The following ASCC3 variants were observed in gnomAD, a reference collection of about 807,000 sequenced individuals.
The protein encoded by ASCC3 is ASC-1 complex subunit P200.
A neutral mutation model predicts 256.3 loss-of-function variants in ASCC3; 158 were observed. The ratio of observed to expected loss-of-function variants is 0.62; its 90% CI spans 0.54 to 0.70. The LOEUF is 0.70. Among genes scored for constraint, ASCC3 ranks in the 30% least tolerant of loss-of-function variants. ASCC3 has a pLI of 0.00. For missense variants in ASCC3, 2,259 were observed against 2,626.0 expected (o/e 0.86, Z 3.05); for synonymous variants, 948 against 883.4 (o/e 1.07, Z -1.30).
intron 4 of ASCC3, among the ~76,000 whole-genome samples, chr6:100,809,872 T>C (rs1027931680): frequency 1.3e-5 from 2 of 152,106 alleles, no homozygotes; most frequent in Admixed American, 6.6e-5. Flanking sequence ...AAGTGATCCT[T>C]GGCCCAGACA....
At chr6:100,761,140 A>G (rs945039912) in intron 10 of ASCC3, among the ~76,000 whole-genome samples, 1 of 152,198 alleles carries the variant, frequency 6.6e-6, no homozygotes, top group Non-Finnish European at 1.5e-5. Flanking sequence ...GAATGGAGTG[A>G]ATTTCTCTTC....
chr6:100,771,352 T>C (rs912456530), intron 8 of ASCC3, among the ~76,000 whole-genome samples: 3 of 152,154 alleles, frequency 2.0e-5, no homozygotes, highest in Non-Finnish European at 4.4e-5. Flanking sequence ...AGAAATTCTT[T>C]GTGAATGTGA....
chr6:100,836,831 T>C (rs954594748), intron 4 of ASCC3, among the ~76,000 whole-genome samples: 2 of 152,134 alleles, frequency 1.3e-5, no homozygotes, highest in African/African-American at 4.8e-5. Flanking sequence ...AAGGCCTTTA[T>C]TGGCAGAATT....
chr6:100,650,653 G>C lies in ASCC3; in HGVS notation c.3137C>G (p.Thr1046Ser). 10 of 1,612,542 alleles carry C rather than the reference G, an allele frequency of 6.2e-6. No individual in the cohort carries two copies. The highest frequency in any genetic ancestry group is 8.5e-6 in the Non-Finnish European group (10 of 1,178,934). ...TLLSNFCELSTPGGVENSYGK... is the reference protein window; with the variant it reads ...TLLSNFCELSSPGGVENSYGK... Reference sequence around the variant, plus strand: ...ATAACTATTCTCTACACCTCCAGGAGTGGAGAGTTCACAAAAATTGCTTAA... The same window carrying C: ...ATAACTATTCTCTACACCTCCAGGACTGGAGAGTTCACAAAAATTGCTTAA... The change falls in exon 20 of 42, where the codon ACT (threonine) becomes AGT (serine). Residue 1046 changes from threonine to serine, a missense_variant. Coordinates refer to ENST00000369162, the MANE Select transcript of ASCC3 (RefSeq NM_006828.4).
chr6:100,851,815 C>A (rs550499733), intron 3 of ASCC3, among the ~76,000 whole-genome samples: 1 of 152,182 alleles, frequency 6.6e-6, no homozygotes, highest in African/African-American at 2.4e-5. Flanking sequence ...GATGACTACA[C>A]AACAGAAATA....
intron 1 of ASCC3, among the ~76,000 whole-genome samples, chr6:100,877,992 A>G (rs1433105146): frequency 6.6e-6 from 1 of 152,200 alleles, no homozygotes; most frequent in African/African-American, 2.4e-5. Flanking sequence ...GATGAAAAAC[A>G]TGGCTGTGTA....
chr6:100,530,057 T>C (rs1024183377), intron 37 of ASCC3, among the ~76,000 whole-genome samples: 11 of 152,172 alleles, frequency 7.2e-5, no homozygotes, highest in African/African-American at 2.2e-4. Flanking sequence ...TCTGGTATAA[T>C]TTGGTATTTA....
intron 33 of ASCC3, among the ~76,000 whole-genome samples, chr6:100,604,615 T>C (rs1339484873): frequency 1.3e-5 from 2 of 151,904 alleles, no homozygotes; most frequent in African/African-American, 4.8e-5. Context: ...CTTTTTTTTT[T>C]TTTACTTTTT....
intron 4 of ASCC3, among the ~76,000 whole-genome samples, chr6:100,823,489 G>C (rs528669674): frequency 6.6e-6 from 1 of 152,146 alleles, no homozygotes; most frequent in Non-Finnish European, 1.5e-5. Context: ...ATAAACTAAA[G>C]ATATGAGATT....
chr6:100,611,789 C>G (rs1440809427), intron 30 of ASCC3, among the ~76,000 whole-genome samples: 1 of 151,292 alleles, frequency 6.6e-6, no homozygotes, highest in East Asian at 1.9e-4. Context: ...GGAGAGGAGA[C>G]AAGTTTATTT....
At chr6:100,698,725 C>A (rs1209701546) in intron 13 of ASCC3, among the ~76,000 whole-genome samples, 1 of 152,060 alleles carries the variant, frequency 6.6e-6, no homozygotes, top group Non-Finnish European at 1.5e-5. Context: ...TCTTTACAGA[C>A]CACAGAGGGA....
chr6:100,607,959 C>A (rs1231970422), intron 30 of ASCC3, among the ~76,000 whole-genome samples: 1 of 142,938 alleles, frequency 7.0e-6, no homozygotes, highest in Non-Finnish European at 1.5e-5. Flanking sequence ...TTCTAATTGG[C>A]TTGTGATCTT....
At chr6:100,803,532 A>T (rs1770025628) in intron 5 of ASCC3, among the ~76,000 whole-genome samples, 1 of 152,112 alleles carries the variant, frequency 6.6e-6, no homozygotes, top group Admixed American at 6.6e-5. Flanking sequence ...TTTATAAATT[A>T]CCCAGTCTCA....
At chr6:100,795,252 T>C (rs1372431696) in intron 8 of ASCC3, among the ~76,000 whole-genome samples, 1 of 152,004 alleles carries the variant, frequency 6.6e-6, no homozygotes, top group Non-Finnish European at 1.5e-5. Context: ...TCATGTTTGC[T>C]GCTTCTGCTG....
chr6:100,824,934 T>C (rs960706823), intron 4 of ASCC3, among the ~76,000 whole-genome samples: 9 of 151,998 alleles, frequency 5.9e-5, no homozygotes, highest in African/African-American at 1.9e-4. Flanking sequence ...TTAATGTGAA[T>C]AAAAAATACA....
At chr6:100,788,260 A>G (rs1769184577) in intron 8 of ASCC3, among the ~76,000 whole-genome samples, 1 of 152,010 alleles carries the variant, frequency 6.6e-6, no homozygotes, top group African/African-American at 2.4e-5. Context: ...CAAAACCATA[A>G]TGAGATACTA....
At chr6:100,717,941 A>G (rs1214106576) in intron 12 of ASCC3, 134 bp downstream of exon 12, 19 of 727,536 alleles carry the variant, frequency 2.6e-5, no homozygotes, top group Middle Eastern at 7.5e-4. Context: ...ATGTGATTCA[A>G]TGTTCTGCAA....
chr6:100,662,616 CAAAGA>C (rs996334604), intron 14 of ASCC3, 80 bp from the exon 15 acceptor site: 2 of 1,323,068 alleles, frequency 1.5e-6, no homozygotes, highest in African/African-American at 2.9e-5. Context: ...ATGAGTTCAT[CAAAGA>C]AATCAGAAAA....
intron 4 of ASCC3, among the ~76,000 whole-genome samples, chr6:100,816,938 A>G (rs1351548773): frequency 3.9e-5 from 6 of 151,926 alleles, no homozygotes; most frequent in African/African-American, 1.4e-4. Flanking sequence ...AGTTTTAAAA[A>G]TTAAAAAAAA....
Sources: allele counts gnomAD v4.1 joint callset (sites outside exome capture counted in the v4.1 genomes callset), GRCh38; gene constraint gnomAD v4.1.1; transcripts MANE v1.5; gene names NCBI Gene and HGNC (gene_info 2026-07-23, HGNC 2026-07-21).